SLC9B1: variants seen among roughly 807,000 people sequenced by gnomAD.
The protein encoded by SLC9B1 is solute carrier family 9 member B1.
SLC9B1 carries 32 observed loss-of-function variants against 51.7 expected under a neutral mutation model. The ratio of observed to expected loss-of-function variants is 0.62; its 90% CI spans 0.47 to 0.83. SLC9B1 has a LOEUF of 0.83. Among genes scored for constraint, SLC9B1 ranks in the 40% least tolerant of loss-of-function variants. The pLI, the probability that SLC9B1 is intolerant of heterozygous loss-of-function variation, is 0.00. For missense variants in SLC9B1, 406 were observed against 613.2 expected, an observed-to-expected ratio of 0.66 and a Z score of 3.57; for synonymous variants, 145 against 212.7, an observed-to-expected ratio of 0.68 and a Z score of 2.77.
Position 102,895,915 on chromosome 4 carries a change from A to G in SLC9B1, c.1332+9599T>C, listed in dbSNP as rs189283849. On this transcript the variant is annotated intron_variant, in intron 11 of 11. Transcript: ENST00000394789. ...GTATTGGTGCCTAGGTTATTTCTTC[A>G]CAGCAAGCTGAGACCCATTAGCTCA... Among the ~76,000 whole-genome samples the G allele has an allele frequency of 7.2e-5, 11 of 152,342 alleles. No homozygotes were observed. The East Asian group carries it at 1.7e-3, about 24-fold the overall frequency.
intron 1 of SLC9B1, among the ~76,000 whole-genome samples, chr4:103,017,514 T>G (rs1321718923): frequency 1.3e-5 from 2 of 152,190 alleles, no homozygotes; most frequent in Non-Finnish European, 2.9e-5. Context: ...TCTCTACATT[T>G]TAGCTTCAGT....
rs1273961341 is a variant in SLC9B1 at position 103,019,603 on chromosome 4, A to T, written c.-6T>A. On this transcript the variant is annotated 5_prime_UTR_variant, in exon 1 of 12. Coordinates refer to ENST00000296422, the MANE Select transcript of SLC9B1 (RefSeq NM_139173.4). ...GTTAAGAAAAATGGGCCGTACCTAC[A>T]ACTTCTTTCGCAGCCCTCGCTGGCC... is the stretch of plus-strand genomic sequence containing the variant. The T allele has an allele frequency of 7.1e-6, 7 of 985,364 alleles. No individual in the cohort carries two copies. The highest frequency in any genetic ancestry group is 1.2e-4 in the Admixed American group (2 of 16,268). The allele number at this position is 985,364 out of a possible 1,614,324, so 61.0% of individuals were successfully genotyped here. A position where few individuals can be genotyped will look rare whatever the true frequency, so the allele number is the denominator to read the frequency against.
chr4:102,926,705 T>A (rs1466920156), intron 7 of SLC9B1, among the ~76,000 whole-genome samples: 2 of 152,278 alleles, frequency 1.3e-5, no homozygotes, highest in African/African-American at 4.8e-5. Flanking sequence ...ACTATCCCCA[T>A]CAAGCTACTA....
At chr4:102,900,631 T>C (rs1734741064), downstream of SLC9B1, among the ~76,000 whole-genome samples, 1 of 152,212 alleles carries the variant, frequency 6.6e-6, no homozygotes, top group African/African-American at 2.4e-5. Context: ...ATTTAAAATC[T>C]ATTTAGTTAA....
downstream of SLC9B1, among the ~76,000 whole-genome samples, chr4:102,900,305 G>A (rs573006627): frequency 2.9e-4 from 44 of 152,206 alleles, no homozygotes; most frequent in East Asian, 8.1e-3. Context: ...CATTAACATG[G>A]CAGATTTAAT....
chr4:103,001,653 C>A (rs931621592), intron 1 of SLC9B1, among the ~76,000 whole-genome samples: 77 of 152,168 alleles, frequency 5.1e-4, no homozygotes, highest in African/African-American at 1.9e-3. Flanking sequence ...TTGATCAAAA[C>A]CATTCAACAA....
chr4:102,950,554 C>T (rs887540867), intron 3 of SLC9B1, among the ~76,000 whole-genome samples: 3 of 152,164 alleles, frequency 2.0e-5, no homozygotes, highest in Non-Finnish European at 2.9e-5. Context: ...GACCCCTTTC[C>T]GGCTGTATAG....
At chr4:103,010,862 G>T (rs1196982674) in intron 1 of SLC9B1, among the ~76,000 whole-genome samples, 1 of 152,196 alleles carries the variant, frequency 6.6e-6, no homozygotes, top group Non-Finnish European at 1.5e-5. Context: ...GTTTCAACAT[G>T]AAATTGGAGG....
downstream of SLC9B1, chr4:102,898,095 G>T: frequency 2.0e-6 from 1 of 491,888 alleles, no homozygotes; most frequent in Non-Finnish European, 4.0e-6. Context: ...GTTGGAGATT[G>T]GTTATTTAGA....
chr4:102,927,043 C>T (rs1265608346), intron 7 of SLC9B1, among the ~76,000 whole-genome samples: 1 of 152,100 alleles, frequency 6.6e-6, no homozygotes, highest in Non-Finnish European at 1.5e-5. Flanking sequence ...AACTGGCTAG[C>T]CATATGTAGA....
In SLC9B1 at chr4:102,989,908, C is replaced by A; in HGVS notation, c.103G>T (p.Glu35Ter). The A allele has an allele frequency of 6.3e-7, 1 of 1,594,764 alleles. No individual in the cohort carries two copies. The highest frequency in any genetic ancestry group is 8.6e-7 in the Non-Finnish European group (1 of 1,166,258). Residue 35 changes from glutamate to a stop codon, truncating the protein, a stop_gained, in exon 3 of 12, where the codon GAA (glutamate) becomes TAA (stop). Coordinates refer to ENST00000296422, the MANE Select transcript of SLC9B1 (RefSeq NM_139173.4). LOFTEE classifies it high-confidence loss of function. ...LIDPNNTAQE[E>*]TKTVLSDTEE... ...GTATCTGATAAGACAGTTTTAGTTT[C>A]TTCCTGTGCAGTATTATTAGGATCA...
chr4:102,986,254 G>GTT (rs138003685), intron 3 of SLC9B1, among the ~76,000 whole-genome samples: 19 of 88,560 alleles, frequency 2.1e-4, no homozygotes, highest in African/African-American at 7.3e-4. Context: ...GGCTGGTGTT[G>GTT]TTTTTTTTTT....
At position 102,932,211 on chromosome 4, in the gene SLC9B1, G is replaced by A; in HGVS notation, c.742C>T (p.Pro248Ser). Residue 248 changes from proline (P) to serine (S), a missense_variant, in exon 7 of 12, where the codon CCA becomes TCA. Physicochemically the swap from Pro to Ser is moderately conservative, Grantham distance 74. This residue lies in a region of SLC9B1 where 250 missense variants were observed against 394.1 expected (regional missense o/e 0.63). Transcript: ENST00000296422. Reference sequence around the variant, plus strand: ...CTGCTAGCAGCCATTAATAAGGTTGGAATGCCTTCCTCAACACCATATCCA... The same window carrying A: ...CTGCTAGCAGCCATTAATAAGGTTGAAATGCCTTCCTCAACACCATATCCA... The part of the protein sequence containing the change: ...ENGYGVEEGI[P>S]TLLMAASSMD... 1 of 1,611,842 alleles carries A rather than the reference G, an allele frequency of 6.2e-7. No homozygotes were observed. The highest frequency in any genetic ancestry group is 8.5e-7 in the Non-Finnish European group (1 of 1,179,778).
intron 11 of SLC9B1, among the ~76,000 whole-genome samples, chr4:102,893,062 C>T (rs1373955660): frequency 1.3e-5 from 2 of 151,868 alleles, no homozygotes; most frequent in Non-Finnish European, 2.9e-5. Context: ...GCGGGCAGAT[C>T]GCCTAAGGTC....
intron 3 of SLC9B1, among the ~76,000 whole-genome samples, chr4:102,955,873 GAAAGAAAGAAAGAAAGAAAGAAAGAA>G (rs1232706115): frequency 7.1e-6 from 1 of 140,234 alleles, no homozygotes; most frequent in East Asian, 2.1e-4. Flanking sequence ...AAGAAAGAAA[GAAAGAAAGAAAGAAAGAAAGAAAGAA>G]AGAGAGAGAA....
intron 4 of SLC9B1, 87 bp from the exon 5 acceptor site, chr4:102,946,876 T>A: frequency 8.0e-7 from 1 of 1,250,900 alleles, no homozygotes; most frequent in Non-Finnish European, 1.1e-6. Flanking sequence ...TAATGCACTA[T>A]GTCTCTCATT....
intron 7 of SLC9B1, among the ~76,000 whole-genome samples, chr4:102,913,097 C>A (rs917172124): frequency 6.6e-6 from 1 of 152,166 alleles, no homozygotes; most frequent in Non-Finnish European, 1.5e-5. Context: ...ACTCATGATA[C>A]CCCTTCCCCA....
Position 103,008,797 on chromosome 4 carries a change from CT to C in SLC9B1, c.-2+10801del, listed in dbSNP as rs34403441. Among the ~76,000 whole-genome samples the C allele has an allele frequency of 5.5e-3, 551 of 99,482 alleles. 2 individuals are homozygous for C. Among genetic ancestry groups the C allele is most frequent in the African/African-American group, 0.018 (490 of 26,710 alleles). 65.3% of individuals were successfully genotyped at this position (99,482 alleles called of 152,430 possible). On this transcript the variant is annotated intron_variant, in intron 1 of 11. Transcript: ENST00000296422. ...GATGATCTAAGGGCTTTAACAGTTT[CT>C]TTTTTTTTTTTTTTTTTTTGAGACG...
chr4:102,917,103 A>G (rs112220458), intron 7 of SLC9B1, among the ~76,000 whole-genome samples: 3 of 152,356 alleles, frequency 2.0e-5, no homozygotes, highest in African/African-American at 7.2e-5. Flanking sequence ...CCAGAGCAGT[A>G]TGCCTTTTTC....
Sources: gnomAD v4.1 joint callset for allele counts (sites outside exome capture counted in the v4.1 genomes callset) on GRCh38, gnomAD v4.1.1 for gene constraint, gnomAD v4.1.1 regional missense constraint, MANE v1.5 for transcripts, NCBI Gene and HGNC (gene_info 2026-07-23, HGNC 2026-07-21) for gene names.